The following TRIO variants were observed in gnomAD, a reference collection of about 807,000 sequenced individuals.
TRIO encodes triple functional domain protein.
A neutral mutation model predicts 351.9 loss-of-function variants in TRIO; 58 were observed. The ratio of observed to expected loss-of-function variants is 0.16; its 90% CI spans 0.13 to 0.21. The LOEUF (loss-of-function observed/expected upper bound fraction) is 0.21, where lower values mean the gene tolerates loss of function less well. Ranked by LOEUF, TRIO falls within the 10% of genes least tolerant of loss-of-function variation. The pLI, the probability that TRIO is intolerant of heterozygous loss-of-function variation, is 1.00. For synonymous variants in TRIO, 1,758 were observed against 1,595.7 expected, an observed-to-expected ratio of 1.10 and a Z score of -2.42; for missense variants, 3,201 against 4,027.8, an observed-to-expected ratio of 0.79 and a Z score of 5.56.
intron 1 of TRIO, among the ~76,000 whole-genome samples, chr5:14,200,363 C>G (rs1791033478): frequency 6.6e-6 from 1 of 152,232 alleles, no homozygotes; most frequent in African/African-American, 2.4e-5. Context: ...TTCCACCATC[C>G]TGTCCTTTGT....
chr5:14,152,182 T>G (rs1220940283), intron 1 of TRIO, among the ~76,000 whole-genome samples: 1 of 152,238 alleles, frequency 6.6e-6, no homozygotes, highest in African/African-American at 2.4e-5. Context: ...ATTTCTCATT[T>G]GTAGGTGGCT....
intron 42 of TRIO, among the ~76,000 whole-genome samples, 180 bp downstream of exon 42, chr5:14,479,530 C>G (rs1383756325): frequency 6.6e-6 from 1 of 152,112 alleles, no homozygotes; most frequent in Non-Finnish European, 1.5e-5. Flanking sequence ...TGAATTTAGT[C>G]TGTGGTCATA....
chr5:14,489,188 A>G, intron 48 of TRIO: 2 of 586,596 alleles, frequency 3.4e-6, no homozygotes, highest in Non-Finnish European at 6.1e-6. Context: ...TAGCTTTTGC[A>G]TGTCTTTCTC....
At chr5:14,496,773 C>G in intron 49 of TRIO, 106 bp from the exon 50 acceptor site, 1 of 1,457,086 alleles carries the variant, frequency 6.9e-7, no homozygotes, top group South Asian at 1.4e-5. Context: ...TTCCCATCCC[C>G]CTGCACACAC....
chr5:14,336,831 G>A (rs1224266418), intron 11 of TRIO, 104 bp downstream of exon 11: 5 of 1,308,750 alleles, frequency 3.8e-6, no homozygotes, highest in Non-Finnish European at 5.3e-6. Context: ...GGACAAAGGT[G>A]GCAAGTTGTA....
chr5:14,299,056 G>C (rs911502964), intron 7 of TRIO, among the ~76,000 whole-genome samples: 4 of 152,150 alleles, frequency 2.6e-5, no homozygotes, highest in African/African-American at 7.2e-5. Context: ...TCATAAACAT[G>C]ATGAGATTCA....
At chr5:14,293,165 A>T in intron 6 of TRIO, 31 bp downstream of exon 6, 1 of 1,613,682 alleles carries the variant, frequency 6.2e-7, no homozygotes, top group Non-Finnish European at 8.5e-7. Flanking sequence ...GGACCCTGGC[A>T]TGTGACAGTG....
At chr5:14,453,357 C>T (rs1752987956) in intron 34 of TRIO, among the ~76,000 whole-genome samples, 1 of 152,160 alleles carries the variant, frequency 6.6e-6, no homozygotes, top group African/African-American at 2.4e-5. Context: ...TAGATTGCTT[C>T]ATTCATCCTT....
chr5:14,377,271 A>G (rs6877654), intron 19 of TRIO, among the ~76,000 whole-genome samples: 70,751 of 148,958 alleles, frequency 0.47, 17,261 homozygotes, highest in East Asian at 0.59. Context: ...TTTTAGACGG[A>G]GTCTTGCCCT....
intron 18 of TRIO, 139 bp from the exon 19 acceptor site, chr5:14,374,090 T>C (rs1020758923): frequency 4.6e-5 from 26 of 570,504 alleles, no homozygotes; most frequent in Admixed American, 1.2e-4. Flanking sequence ...TTAGATTTTA[T>C]CCTATGCATT....
intron 1 of TRIO, among the ~76,000 whole-genome samples, chr5:14,260,664 G>A (rs1280567992): frequency 2.0e-5 from 3 of 152,154 alleles, no homozygotes; most frequent in Admixed American, 6.5e-5. Flanking sequence ...GTTTGTTTGT[G>A]GCATTTACTT....
chr5:14,280,025 CT>C (rs1220245318), intron 2 of TRIO, among the ~76,000 whole-genome samples: 3 of 152,096 alleles, frequency 2.0e-5, no homozygotes, highest in Admixed American at 6.5e-5. Context: ...GACGTGACAA[CT>C]TTTTTTTCTG....
chr5:14,358,501 CTCTCT>C lies in TRIO; in HGVS notation c.2216+160_2216+164del, dbSNP rs1743842404. Among the ~76,000 whole-genome samples, 3 of 151,562 alleles carry C rather than the reference CTCTCT, an allele frequency of 2.0e-5. No individual in the cohort carries two copies. In the South Asian group the frequency reaches 6.3e-4, roughly 32 times the overall value. On this transcript the variant is annotated intron_variant, in intron 12 of 56. Coordinates refer to ENST00000344204, the MANE Select transcript of TRIO (RefSeq NM_007118.4). ...GTGAAGGCAAAGGAGAGAGAAACGG[CTCTCT>C]TCTCTCTTTTCCTTTCCCCTCCCTT...
At chr5:14,382,086 G>T (rs927033590) in intron 21 of TRIO, among the ~76,000 whole-genome samples, 1 of 152,160 alleles carries the variant, frequency 6.6e-6, no homozygotes, top group African/African-American at 2.4e-5. Flanking sequence ...CTCTATTGTT[G>T]ATGACAGATT....
At chr5:14,307,269 C>G (rs1229659527) in intron 8 of TRIO, among the ~76,000 whole-genome samples, 1 of 152,182 alleles carries the variant, frequency 6.6e-6, no homozygotes, top group Non-Finnish European at 1.5e-5. Context: ...ACCATCATCT[C>G]CACAGCCACT....
chr5:14,259,710 T>G (rs1795231598), intron 1 of TRIO, among the ~76,000 whole-genome samples: 1 of 152,194 alleles, frequency 6.6e-6, no homozygotes, highest in Non-Finnish European at 1.5e-5. Flanking sequence ...TAGAAGGATC[T>G]GGAAGAAAAC....
At chr5:14,179,196 C>T (rs940096243) in intron 1 of TRIO, among the ~76,000 whole-genome samples, 1 of 152,210 alleles carries the variant, frequency 6.6e-6, no homozygotes, top group Admixed American at 6.5e-5. Context: ...CCCCACCCCC[C>T]ACCTTTGTGG....
chr5:14,497,887 CT>C lies in TRIO; in HGVS notation c.8047+18del. 1 of 1,614,148 alleles carries C rather than the reference CT, an allele frequency of 6.2e-7. No individual in the cohort carries two copies. On this transcript the variant is annotated intron_variant, in intron 51 of 56. Transcript: ENST00000344204. The surrounding 1 kb of genome is among the most constrained non-coding windows in gnomAD (Gnocchi z 4.4). Reference sequence around the variant, plus strand: ...TACATTTATGACGGTGAGTTCTGTTCTTTTTCTTCTAGTCCTAGAGATGATT... The same window carrying C: ...TACATTTATGACGGTGAGTTCTGTTCTTTTCTTCTAGTCCTAGAGATGATT...
chr5:14,477,307 AAT>A, intron 41 of TRIO: 1 of 196,312 alleles, frequency 5.1e-6, no homozygotes, highest in Non-Finnish European at 1.0e-5. Context: ...ATAACAGCCA[AAT>A]AGTGTGGATA....
Sources: gnomAD v4.1 joint callset for allele counts (sites outside exome capture counted in the v4.1 genomes callset) on GRCh38, gnomAD v4.1.1 for gene constraint, Gnocchi (gnomAD v3.1) non-coding constraint, MANE v1.5 for transcripts, NCBI Gene and HGNC (gene_info 2026-07-23, HGNC 2026-07-21) for gene names.